The following PICALM variants were observed in gnomAD, a reference collection of about 807,000 sequenced individuals.
The protein encoded by PICALM is phosphatidylinositol-binding clathrin assembly protein.
A neutral mutation model predicts 80.5 loss-of-function variants in PICALM; 40 were observed. That is an observed-to-expected ratio of 0.50 (90% CI 0.39 to 0.65). PICALM has a LOEUF of 0.65. Among genes scored for constraint, PICALM ranks in the 30% least tolerant of loss-of-function variants. The probability of loss-of-function intolerance (pLI) is 0.00; values close to 1 mark genes in which losing one functional copy is unlikely to be tolerated. For missense variants in PICALM, 676 were observed against 778.9 expected (o/e 0.87, Z 1.57); for synonymous variants, 288 against 260.3 (o/e 1.11, Z -1.02).
Position 86,068,963 on chromosome 11 carries a change from C to T in PICALM, c.-183G>A, listed in dbSNP as rs1342663583. 1 of 721,210 alleles carries T rather than the reference C, an allele frequency of 1.4e-6. No individual in the cohort carries two copies. Among genetic ancestry groups the T allele is most frequent in the Non-Finnish European group, 2.2e-6 (1 of 459,274 alleles). 44.7% of individuals were successfully genotyped at this position (721,210 alleles called of 1,614,324 possible). Reference sequence around the variant, plus strand: ...CAGTCCAGAGAGAACCGGCTCGTGTCACCCGCGGAGTCGGACAAGATGTCG... The same window carrying T: ...CAGTCCAGAGAGAACCGGCTCGTGTTACCCGCGGAGTCGGACAAGATGTCG... On this transcript the variant is annotated 5_prime_UTR_variant, in exon 1 of 20. Transcript: ENST00000393346.
intron 1 of PICALM, among the ~76,000 whole-genome samples, chr11:86,068,388 T>C (rs912389338): frequency 6.6e-6 from 1 of 151,696 alleles, no homozygotes; most frequent in Admixed American, 6.6e-5. Context: ...TGGGGTGTGG[T>C]AGCGCACCGG....
At position 85,965,802 on chromosome 11, in the gene PICALM, A is replaced by ATTTT. The variant is rs1202220050; in HGVS notation, c.1945-6746_1945-6743dup. 1.1e-3 allele frequency among the ~76,000 whole-genome samples: 112 copies of ATTTT among 105,748 alleles called. 1 individual carries two copies. The highest frequency in any genetic ancestry group is 3.4e-3 in the African/African-American group (95 of 27,578). The allele number at this position is 105,748 out of a possible 152,430, so 69.4% of individuals were successfully genotyped here. On this transcript the variant is annotated intron_variant, in intron 19 of 19. Transcript: ENST00000393346. ...CCCTGTCACCTTGAATGCATTACCCATTTTGTTTTTTTGTTTTTTTTTTTT... is the reference window on the plus strand; with the variant it reads ...CCCTGTCACCTTGAATGCATTACCCATTTTTTTTGTTTTTTTGTTTTTTTTTTTT...
intron 4 of PICALM, among the ~76,000 whole-genome samples, chr11:86,022,165 G>T (rs1260810421): frequency 6.6e-6 from 1 of 152,082 alleles, no homozygotes; most frequent in Non-Finnish European, 1.5e-5. Context: ...TTTGTTATGT[G>T]AATGATATCT....
intron 14 of PICALM, among the ~76,000 whole-genome samples, chr11:85,983,232 G>A (rs2094493974): frequency 6.6e-6 from 1 of 152,138 alleles, no homozygotes; most frequent in Non-Finnish European, 1.5e-5. Flanking sequence ...CCATCCGATG[G>A]TAAGAACAGA....
At chr11:86,008,172 G>C (rs560578460) in intron 7 of PICALM, among the ~76,000 whole-genome samples, 3 of 152,140 alleles carry the variant, frequency 2.0e-5, no homozygotes, top group East Asian at 3.9e-4. Flanking sequence ...CAGGCCCTAG[G>C]CAATTTCCAG....
intron 3 of PICALM, among the ~76,000 whole-genome samples, chr11:86,022,727 A>G (rs1313099830): frequency 1.3e-5 from 2 of 152,062 alleles, no homozygotes; most frequent in African/African-American, 2.4e-5. Flanking sequence ...GAACTTCACT[A>G]TTCTCTCAAT....
chr11:86,047,937 T>TA (rs1483703367), intron 1 of PICALM, among the ~76,000 whole-genome samples: 2 of 151,870 alleles, frequency 1.3e-5, no homozygotes, highest in African/African-American at 2.4e-5. Context: ...TCGTCTCTAC[T>TA]AAAAATATAA....
intron 19 of PICALM, among the ~76,000 whole-genome samples, chr11:85,972,244 A>T (rs1248026845): frequency 6.6e-6 from 1 of 152,214 alleles, no homozygotes; most frequent in Non-Finnish European, 1.5e-5. Flanking sequence ...TGAATGTGTA[A>T]ATGTGGTTTA....
At chr11:86,069,292 G>T (rs2096487949), upstream of PICALM, 1 of 169,300 alleles carries the variant, frequency 5.9e-6, no homozygotes, top group Non-Finnish European at 1.3e-5. Flanking sequence ...CGCCCGAGGG[G>T]AGTGCACAGC....
At chr11:86,001,909 C>G (rs1284443543) in intron 9 of PICALM, among the ~76,000 whole-genome samples, 1 of 152,172 alleles carries the variant, frequency 6.6e-6, no homozygotes, top group Non-Finnish European at 1.5e-5. Context: ...GAAGAACTAC[C>G]TTGAGCTTTA....
chr11:85,991,670 A>C (rs2094784331), intron 12 of PICALM, among the ~76,000 whole-genome samples: 1 of 152,192 alleles, frequency 6.6e-6, no homozygotes, highest in Non-Finnish European at 1.5e-5. Flanking sequence ...TCACACTAAA[A>C]AAAAAAAAGT....
intron 1 of PICALM, among the ~76,000 whole-genome samples, chr11:86,040,812 C>G (rs664596): frequency 2.6e-5 from 4 of 151,924 alleles, no homozygotes; most frequent in African/African-American, 9.7e-5. Context: ...GGAAATGACC[C>G]GGATGCAATT....
intron 1 of PICALM, among the ~76,000 whole-genome samples, chr11:86,054,327 G>A (rs751874851): frequency 6.6e-6 from 1 of 152,270 alleles, no homozygotes; most frequent in East Asian, 1.9e-4. Flanking sequence ...CACAGCACTG[G>A]TATCTAAAGC....
At position 86,057,309 on chromosome 11, in the gene PICALM, G is replaced by C. The variant is rs1348320211; in HGVS notation, c.130+11342C>G. Among the ~76,000 whole-genome samples, 4 of 152,284 alleles carry C rather than the reference G, an allele frequency of 2.6e-5. No homozygotes were observed. The East Asian group carries it at 7.7e-4, about 29-fold the overall frequency. ...ATCCCAGCACTTTGGGAGGCCGAGA[G>C]GCAGGCGGATCACGAGGTCAGGAGT... On this transcript the variant is annotated intron_variant, in intron 1 of 19. Coordinates refer to ENST00000393346, the MANE Select transcript of PICALM (RefSeq NM_007166.4).
intron 12 of PICALM, among the ~76,000 whole-genome samples, chr11:85,994,713 A>T (rs552298467): frequency 6.6e-6 from 1 of 152,340 alleles, no homozygotes; most frequent in Non-Finnish European, 1.5e-5. Flanking sequence ...CTTCTCATAC[A>T]TGAGATTTCT....
At chr11:85,982,229 G>A in intron 14 of PICALM, 1 of 468,866 alleles carries the variant, frequency 2.1e-6, no homozygotes, top group Non-Finnish European at 3.9e-6. Flanking sequence ...CTTATCTCAT[G>A]ACAAAATTAC....
intron 1 of PICALM, among the ~76,000 whole-genome samples, chr11:86,055,791 C>A (rs1274348106): frequency 6.6e-6 from 1 of 152,056 alleles, no homozygotes; most frequent in Non-Finnish European, 1.5e-5. Flanking sequence ...AGGTGCATAA[C>A]CTTGAATCAG....
chr11:86,067,428 A>G (rs537629198), intron 1 of PICALM, among the ~76,000 whole-genome samples: 1 of 152,330 alleles, frequency 6.6e-6, no homozygotes, highest in East Asian at 1.9e-4. Context: ...GAGTGATCCA[A>G]TGAGCTTTGT....
intron 1 of PICALM, among the ~76,000 whole-genome samples, chr11:86,048,160 CCTT>C (rs2096110370): frequency 6.6e-6 from 1 of 152,186 alleles, no homozygotes; most frequent in Non-Finnish European, 1.5e-5. Context: ...TTGCACTGCA[CCTT>C]CATGCAGTCA....
Sources: allele counts gnomAD v4.1 joint callset (sites outside exome capture counted in the v4.1 genomes callset), GRCh38; gene constraint gnomAD v4.1.1; transcripts MANE v1.5; gene names NCBI Gene and HGNC (gene_info 2026-07-23, HGNC 2026-07-21).